BCAS3: variants seen among roughly 807,000 people sequenced by gnomAD.
The protein encoded by BCAS3 is BCAS3 microtubule associated cell migration factor.
BCAS3 carries 53 observed loss-of-function variants against 116.1 expected under a neutral mutation model. That is an observed-to-expected ratio of 0.46 (90% confidence interval 0.37 to 0.57). The LOEUF is 0.57. Among genes scored for constraint, BCAS3 ranks in the 20% least tolerant of loss-of-function variants. The pLI is 0.00. For synonymous variants in BCAS3, 391 were observed against 408.2 expected (o/e 0.96, Z 0.51); for missense variants, 917 against 1,165.4 (o/e 0.79, Z 3.10).
At position 61,333,087 on chromosome 17, in the gene BCAS3, T is replaced by C. The variant is rs2056419334; in HGVS notation, c.2426-35240T>C. Among the ~76,000 whole-genome samples the C allele has an allele frequency of 6.6e-6, 1 of 152,220 alleles. No homozygotes were observed. The highest frequency in any genetic ancestry group is 1.5e-5 in the Non-Finnish European group (1 of 68,042). ...GCCTGGAGGTTCCACAAGCCCTTTC[T>C]CATAGACCCCAGCAAGGTGCTTTCT... is the stretch of plus-strand genomic sequence containing the variant. On this transcript the variant is annotated intron_variant, in intron 22 of 23. Coordinates refer to ENST00000407086, the MANE Select transcript of BCAS3 (RefSeq NM_017679.5). The surrounding 1 kb of genome is among the most constrained non-coding windows in gnomAD (Gnocchi z 4.8).
At chr17:60,829,805 G>T (rs2050756564) in intron 7 of BCAS3, among the ~76,000 whole-genome samples, 1 of 151,970 alleles carries the variant, frequency 6.6e-6, no homozygotes, top group African/African-American at 2.4e-5. Context: ...GATATAATTA[G>T]AACAATGTAG....
chr17:61,247,182 C>T (rs975271241), intron 22 of BCAS3, among the ~76,000 whole-genome samples: 2 of 152,046 alleles, frequency 1.3e-5, no homozygotes, highest in Non-Finnish European at 2.9e-5. Context: ...TTAACTTTGA[C>T]GATAGCATGC....
intron 22 of BCAS3, among the ~76,000 whole-genome samples, chr17:61,257,288 C>T (rs1321383611): frequency 1.3e-5 from 2 of 151,898 alleles, no homozygotes; most frequent in African/African-American, 4.8e-5. Context: ...GGTGTGGTGG[C>T]CACACGCCTG....
intron 22 of BCAS3, among the ~76,000 whole-genome samples, chr17:61,314,463 G>C (rs2054573982): frequency 1.3e-5 from 2 of 152,184 alleles, no homozygotes; most frequent in Non-Finnish European, 2.9e-5. Flanking sequence ...CATGTTGTGG[G>C]AGAACTGAAT....
intron 6 of BCAS3, among the ~76,000 whole-genome samples, chr17:60,781,159 G>A (rs1479451189): frequency 6.6e-6 from 1 of 151,606 alleles, no homozygotes; most frequent in Admixed American, 6.6e-5. Flanking sequence ...TAGTAGAGAT[G>A]GGGTCTCACC....
chr17:61,032,067 T>C lies in BCAS3; in HGVS notation c.1638-2599T>C, dbSNP rs73991416. Among the ~76,000 whole-genome samples, 342 of 152,266 alleles carry C rather than the reference T, an allele frequency of 2.2e-3. 3 individuals are homozygous for C. The highest frequency in any genetic ancestry group is 0.01 in the Middle Eastern group (3 of 294). ...AAATATTTTTTGTATGTCAAAAAACTAAATTGACGTCCTCTCATTTTTCTA... is the reference window on the plus strand; with the variant it reads ...AAATATTTTTTGTATGTCAAAAAACCAAATTGACGTCCTCTCATTTTTCTA... On this transcript the variant is annotated intron_variant, in intron 16 of 23. Transcript: ENST00000407086. This position sits in a 1 kb window ranked among gnomAD's most constrained non-coding sequence, Gnocchi z 4.6.
At chr17:61,100,634 G>GAC (rs1164595943) in intron 22 of BCAS3, among the ~76,000 whole-genome samples, 1 of 152,080 alleles carries the variant, frequency 6.6e-6, no homozygotes, top group Non-Finnish European at 1.5e-5. Context: ...GAATGGTTTT[G>GAC]ACACATAATA....
chr17:60,717,377 G>T (rs1433164026), intron 5 of BCAS3, among the ~76,000 whole-genome samples: 1 of 151,740 alleles, frequency 6.6e-6, no homozygotes, highest in Non-Finnish European at 1.5e-5. Context: ...CACCACGCCT[G>T]GGTACTTTTT....
At chr17:60,712,887 T>C (rs1367850787) in intron 5 of BCAS3, among the ~76,000 whole-genome samples, 1 of 152,172 alleles carries the variant, frequency 6.6e-6, no homozygotes, top group Non-Finnish European at 1.5e-5. Context: ...GAAAGTTGAA[T>C]GGGCCCAAAG....
At position 61,381,392 on chromosome 17, in the gene BCAS3, C is replaced by T. The variant is rs977808168; in HGVS notation, c.2594-10585C>T. Among the ~76,000 whole-genome samples the T allele has an allele frequency of 6.6e-6, 1 of 152,140 alleles. No homozygotes were observed. The highest frequency in any genetic ancestry group is 1.5e-5 in the Non-Finnish European group (1 of 68,034). On this transcript the variant is annotated intron_variant, in intron 23 of 23. Transcript: ENST00000407086. This position sits in a 1 kb window ranked among gnomAD's most constrained non-coding sequence, Gnocchi z 6.0. ...AGGCCGTTTCCATCTGGACGGGCGG[C>T]GGCACCACCACAATTAGCTGAGACT...
At chr17:61,294,132 C>T (rs9303442) in intron 22 of BCAS3, among the ~76,000 whole-genome samples, 10,615 of 152,214 alleles carry the variant, frequency 0.07, 1,227 homozygotes, top group African/African-American at 0.24. Context: ...TTGTATTTTC[C>T]AGTCTCCAAA....
Position 61,026,147 on chromosome 17 carries a change from G to A in BCAS3, c.1638-8519G>A, listed in dbSNP as rs1308116764. On this transcript the variant is annotated intron_variant, in intron 16 of 23. Transcript: ENST00000407086. The surrounding 1 kb of genome is among the most constrained non-coding windows in gnomAD (Gnocchi z 5.0). Reference sequence around the variant, plus strand: ...GAGAAGAAATATGTATAACATTGAAGTCCCAGTTTCCCAGTTGTATTTAAA... The same window carrying A: ...GAGAAGAAATATGTATAACATTGAAATCCCAGTTTCCCAGTTGTATTTAAA... Among the ~76,000 whole-genome samples, 1 of 152,014 alleles carries A rather than the reference G, an allele frequency of 6.6e-6. No homozygotes were observed. Among genetic ancestry groups the A allele is most frequent in the Non-Finnish European group, 1.5e-5 (1 of 67,932 alleles).
chr17:60,754,680 TACACACACAC>T lies in BCAS3; in HGVS notation c.403+7453_403+7462del, dbSNP rs772900751. ...AGAAATGCAGATGTAAAATTTAAAATACACACACACACACACACACACACACACACACACA... is the reference window on the plus strand; with the variant it reads ...AGAAATGCAGATGTAAAATTTAAAATACACACACACACACACACACACACA... On this transcript the variant is annotated intron_variant, in intron 6 of 23. Coordinates refer to ENST00000407086, the MANE Select transcript of BCAS3 (RefSeq NM_017679.5). Among the ~76,000 whole-genome samples the T allele has an allele frequency of 6.6e-3, 960 of 145,416 alleles. 19 individuals carry two copies. The highest frequency in any genetic ancestry group is 0.025 in the African/African-American group (913 of 36,872).
intron 14 of BCAS3, among the ~76,000 whole-genome samples, chr17:60,974,999 G>GTTTT (rs577462434): frequency 1.5e-5 from 2 of 132,016 alleles, no homozygotes; most frequent in African/African-American, 6.7e-5. Flanking sequence ...TTGCTTTTTT[G>GTTTT]TTTTTTTTTT....
At chr17:60,833,082 G>C (rs2051078818) in intron 7 of BCAS3, among the ~76,000 whole-genome samples, 1 of 152,044 alleles carries the variant, frequency 6.6e-6, no homozygotes, top group African/African-American at 2.4e-5. Context: ...GCCCAGGCTG[G>C]TCTCAAACTC....
chr17:60,701,280 C>T (rs998508211), intron 4 of BCAS3, among the ~76,000 whole-genome samples: 42 of 151,712 alleles, frequency 2.8e-4, no homozygotes, highest in African/African-American at 7.3e-4. Context: ...GAGAGGAGAG[C>T]GATGAAATCA....
chr17:60,992,421 G>T (rs1273017518), intron 15 of BCAS3, among the ~76,000 whole-genome samples: 2 of 152,184 alleles, frequency 1.3e-5, no homozygotes, highest in South Asian at 2.1e-4. Flanking sequence ...GATATTTAAG[G>T]TTGAAAGTTT....
chr17:61,262,466 C>T (rs113765383), intron 22 of BCAS3, among the ~76,000 whole-genome samples: 228 of 152,050 alleles, frequency 1.5e-3, no homozygotes, highest in Middle Eastern at 0.014. Flanking sequence ...CCACAACCTC[C>T]GCCTCCTGGA....
chr17:61,253,126 T>G (rs1381636187), intron 22 of BCAS3, among the ~76,000 whole-genome samples: 1 of 151,466 alleles, frequency 6.6e-6, no homozygotes, highest in East Asian at 2.0e-4. Context: ...TCCACTTGCC[T>G]CGGCCTCCCA....
Sources: allele counts gnomAD v4.1 joint callset (sites outside exome capture counted in the v4.1 genomes callset), GRCh38; gene constraint gnomAD v4.1.1; non-coding constraint Gnocchi (gnomAD v3.1); transcripts MANE v1.5; gene names NCBI Gene and HGNC (gene_info 2026-07-23, HGNC 2026-07-21).